The following DIS3L2 variants were observed in gnomAD, a reference collection of about 807,000 sequenced individuals.
The protein encoded by DIS3L2 is DIS3 like 3'-5' exoribonuclease 2.
Under a neutral mutation model 97.5 loss-of-function variants are expected in DIS3L2, and 34 were observed. The observed-to-expected ratio is 0.35, with a 90% CI of 0.27 to 0.46. The LOEUF (loss-of-function observed/expected upper bound fraction) is 0.46, where lower values mean the gene tolerates loss of function less well. Ranked by LOEUF, DIS3L2 falls within the 20% of genes least tolerant of loss-of-function variation. The pLI is 1.00. For synonymous variants in DIS3L2, 435 were observed against 445.2 expected (o/e 0.98, Z 0.29); for missense variants, 1,038 against 1,146.0 (o/e 0.91, Z 1.36).
intron 10 of DIS3L2, among the ~76,000 whole-genome samples, chr2:232,235,637 G>C (rs1262773638): frequency 3.3e-5 from 5 of 152,136 alleles, no homozygotes; most frequent in Non-Finnish European, 5.9e-5. Flanking sequence ...GTAACACAGA[G>C]ACTGAATTTA....
At chr2:232,026,093 T>C (rs1694648959) in intron 4 of DIS3L2, among the ~76,000 whole-genome samples, 1 of 152,168 alleles carries the variant, frequency 6.6e-6, no homozygotes, top group Non-Finnish European at 1.5e-5. Context: ...CTCTCTTCCC[T>C]GATAACACAG....
intron 2 of DIS3L2, 82 bp from the exon 3 acceptor site, chr2:232,015,432 A>G (rs1694325070): frequency 6.6e-7 from 1 of 1,518,266 alleles, no homozygotes. Flanking sequence ...TTAAATAATA[A>G]TTGTAAAAAG....
intron 5 of DIS3L2, among the ~76,000 whole-genome samples, chr2:232,061,611 C>T (rs541430219): frequency 1.3e-5 from 2 of 152,238 alleles, no homozygotes; most frequent in South Asian, 4.1e-4. Context: ...CAGATTGCCT[C>T]CAGGATAATT....
chr2:231,966,232 G>A (rs1378303184), intron 1 of DIS3L2, among the ~76,000 whole-genome samples: 6 of 150,482 alleles, frequency 4.0e-5, no homozygotes, highest in East Asian at 3.9e-4. Flanking sequence ...GCAGTGGCAC[G>A]ATCTCAGCTT....
chr2:232,029,424 T>C (rs536304253), intron 4 of DIS3L2, among the ~76,000 whole-genome samples: 4 of 152,098 alleles, frequency 2.6e-5, no homozygotes, highest in African/African-American at 7.2e-5. Context: ...GGGAGTTCAC[T>C]GGGGAGCCAC....
intron 5 of DIS3L2, among the ~76,000 whole-genome samples, chr2:232,030,749 T>C (rs1274971873): frequency 6.6e-6 from 1 of 152,234 alleles, no homozygotes; most frequent in Non-Finnish European, 1.5e-5. Flanking sequence ...TCATGTAGGA[T>C]TGGAGACATG....
rs564842424 is a variant in DIS3L2 at position 232,184,010 on chromosome 2, G to A, written c.1124+20378G>A. 3.9e-4 allele frequency among the ~76,000 whole-genome samples: 60 copies of A among 152,256 alleles called. 1 individual carries two copies. The highest frequency in any genetic ancestry group is 1.4e-3 in the African/African-American group (58 of 41,550). ...GAGATAGAGCTGGAAAGGGGGATGTGGGAATATGGAAAGTAAACTTTGTAA... is the reference window on the plus strand; with the variant it reads ...GAGATAGAGCTGGAAAGGGGGATGTAGGAATATGGAAAGTAAACTTTGTAA... On this transcript the variant is annotated intron_variant, in intron 9 of 20. Transcript: ENST00000325385.
chr2:232,188,012 C>T (rs544113501), intron 9 of DIS3L2, among the ~76,000 whole-genome samples: 3 of 152,130 alleles, frequency 2.0e-5, no homozygotes, highest in South Asian at 2.1e-4. Flanking sequence ...TGGTGGTGTG[C>T]GCCTGTAATC....
At chr2:232,169,663 T>A (rs569163979) in intron 9 of DIS3L2, among the ~76,000 whole-genome samples, 2 of 152,290 alleles carry the variant, frequency 1.3e-5, no homozygotes, top group Admixed American at 6.5e-5. Flanking sequence ...TTGCAAGTCC[T>A]ATGGTTTGGT....
chr2:232,310,766 C>T (rs57339219), intron 14 of DIS3L2, among the ~76,000 whole-genome samples: 13,678 of 152,252 alleles, frequency 0.09, 767 homozygotes, highest in African/African-American at 0.16. Flanking sequence ...AGGTGTGGGG[C>T]CCTAGAACAA....
chr2:231,962,287 A>G (rs1325519364), intron 1 of DIS3L2, among the ~76,000 whole-genome samples: 3 of 151,166 alleles, frequency 2.0e-5, no homozygotes, highest in Admixed American at 1.3e-4. Context: ...TTTTTTTTTA[A>G]TAAACTTTTA....
chr2:232,017,642 C>T (rs1015707158), intron 3 of DIS3L2, among the ~76,000 whole-genome samples: 4 of 152,180 alleles, frequency 2.6e-5, no homozygotes, highest in East Asian at 1.9e-4. Context: ...CAGGAACACT[C>T]TCCTCCATTC....
At chr2:232,045,479 A>T (rs1257392245) in intron 5 of DIS3L2, among the ~76,000 whole-genome samples, 1 of 152,100 alleles carries the variant, frequency 6.6e-6, no homozygotes. Flanking sequence ...GAAGTCAAAG[A>T]TCAAGGCACT....
chr2:232,078,073 T>C (rs754664253), intron 5 of DIS3L2, among the ~76,000 whole-genome samples: 1 of 150,134 alleles, frequency 6.7e-6, no homozygotes, highest in Non-Finnish European at 1.5e-5. Flanking sequence ...AGATGGAGTC[T>C]AGCTCTGTCA....
chr2:232,065,397 T>C (rs1011131877), intron 5 of DIS3L2, among the ~76,000 whole-genome samples: 1 of 152,052 alleles, frequency 6.6e-6, no homozygotes, highest in Admixed American at 6.5e-5. Flanking sequence ...TTATATATAG[T>C]GTGAAGTGAG....
At chr2:231,970,263 A>G (rs1300348213) in intron 1 of DIS3L2, among the ~76,000 whole-genome samples, 2 of 152,150 alleles carry the variant, frequency 1.3e-5, no homozygotes, top group East Asian at 1.9e-4. Flanking sequence ...TCATTTGTTA[A>G]TATGGTGAAA....
chr2:232,107,837 C>T (rs1431561416), intron 6 of DIS3L2, among the ~76,000 whole-genome samples: 1 of 152,146 alleles, frequency 6.6e-6, no homozygotes, highest in Non-Finnish European at 1.5e-5. Flanking sequence ...TACACCCTCC[C>T]AGGACTGAAC....
downstream of DIS3L2, among the ~76,000 whole-genome samples, chr2:232,338,890 C>T (rs1169094845): frequency 1.3e-5 from 2 of 152,296 alleles, no homozygotes; most frequent in Non-Finnish European, 2.9e-5. Flanking sequence ...TGTCCCACAG[C>T]ACCTGCCGGC....
Position 232,073,444 on chromosome 2 carries a change from A to C in DIS3L2, c.367-14043A>C, listed in dbSNP as rs561278561. The stretch of plus-strand genomic sequence containing the variant: ...ATGGGTATATGTGAATCTTTTGGAA[A>C]AACTCCATAATACCAAGTTGATAGC... On this transcript the variant is annotated intron_variant, in intron 5 of 20. Coordinates refer to ENST00000325385, the MANE Select transcript of DIS3L2 (RefSeq NM_152383.5). Among the ~76,000 whole-genome samples the C allele has an allele frequency of 9.8e-5, 15 of 152,314 alleles. No individual in the cohort carries two copies. The South Asian group carries it at 3.1e-3, about 32-fold the overall frequency.
Sources: allele counts gnomAD v4.1 joint callset (sites outside exome capture counted in the v4.1 genomes callset), GRCh38; gene constraint gnomAD v4.1.1; transcripts MANE v1.5; gene names NCBI Gene and HGNC (gene_info 2026-07-23, HGNC 2026-07-21).